Variants in KPNA3 observed in about 807,000 individuals in gnomAD.
The protein encoded by KPNA3 is karyopherin subunit alpha 3.
KPNA3 carries 13 observed loss-of-function variants against 73.8 expected under a neutral mutation model. The observed-to-expected ratio is 0.18, with a 90% CI of 0.11 to 0.28. KPNA3 has a LOEUF of 0.28. Among genes scored for constraint, KPNA3 ranks in the 10% least tolerant of loss-of-function variants. The probability of loss-of-function intolerance (pLI) is 1.00; values close to 1 mark genes in which losing one functional copy is unlikely to be tolerated. For synonymous variants in KPNA3, 186 were observed against 206.9 expected, an observed-to-expected ratio of 0.90 and a Z score of 0.87; for missense variants, 360 against 618.1, an observed-to-expected ratio of 0.58 and a Z score of 4.43.
chr13:49,706,325 T>C lies in KPNA3; in HGVS notation c.1080A>G (p.Gln360=). 6.2e-7 allele frequency: 1 copy of C among 1,614,174 alleles called. No individual in the cohort carries two copies. Among genetic ancestry groups the C allele is most frequent in the African/African-American group, 1.3e-5 (1 of 75,064 alleles). Residue 360 remains glutamine (Q), a synonymous_variant, in exon 13 of 17, where the codon CAA becomes CAG. Transcript: ENST00000261667. ...ATCCAGCATCTATTACAGCTTGAACTTGTTGCTGGTTGCCTGCTGTTATGT... is the reference window on the plus strand; with the variant it reads ...ATCCAGCATCTATTACAGCTTGAACCTGTTGCTGGTTGCCTGCTGTTATGT... ...LSNITAGNQQ[Q]VQAVIDAGLI...
At chr13:49,776,033 A>T (rs1211030809) in intron 1 of KPNA3, among the ~76,000 whole-genome samples, 1 of 152,202 alleles carries the variant, frequency 6.6e-6, no homozygotes, top group Non-Finnish European at 1.5e-5. Context: ...CACAAAATTT[A>T]GAAAACAAAA....
Position 49,732,996 on chromosome 13 carries a change from T to A in KPNA3, c.165A>T (p.Glu55Asp). The A allele has an allele frequency of 6.2e-7, 1 of 1,611,970 alleles. No homozygotes were observed. Among genetic ancestry groups the A allele is most frequent in the Non-Finnish European group, 8.5e-7 (1 of 1,178,416 alleles). The change falls in exon 3 of 17, where the codon GAA becomes GAT. Residue 55 changes from glutamate (E) to aspartate (D), a missense_variant. This residue lies in a region of KPNA3 where 287 missense variants were observed against 549.1 expected (regional missense o/e 0.52). Coordinates refer to ENST00000261667, the MANE Select transcript of KPNA3 (RefSeq NM_002267.4). ...CATCAACATCTGAATCTTCTAGACT[T>A]TCTTCTTGGGGAACATTTCTCTTTT... ...LLKKRNVPQE[E>D]SLEDSDVDAD...
At chr13:49,728,483 G>A (rs1462290429) in intron 6 of KPNA3, among the ~76,000 whole-genome samples, 1 of 152,120 alleles carries the variant, frequency 6.6e-6, no homozygotes, top group African/African-American at 2.4e-5. Context: ...GCCCAGATAA[G>A]CCGTAGACAA....
chr13:49,734,487 A>T (rs1279945878), intron 2 of KPNA3, among the ~76,000 whole-genome samples: 1 of 152,236 alleles, frequency 6.6e-6, no homozygotes, highest in Non-Finnish European at 1.5e-5. Flanking sequence ...AAGAAAAGAA[A>T]AACAAATAAA....
At chr13:49,783,563 C>T (rs1954957857) in intron 1 of KPNA3, among the ~76,000 whole-genome samples, 1 of 152,100 alleles carries the variant, frequency 6.6e-6, no homozygotes, top group African/African-American at 2.4e-5. Context: ...TACAAAGGGC[C>T]AGCTGTACAG....
Position 49,778,509 on chromosome 13 carries a change from C to T in KPNA3, c.69+13929G>A, listed in dbSNP as rs1329342616. Among the ~76,000 whole-genome samples the T allele has an allele frequency of 2.6e-5, 4 of 152,212 alleles. No individual in the cohort carries two copies. The East Asian group carries it at 7.7e-4, about 29-fold the overall frequency. On this transcript the variant is annotated intron_variant, in intron 1 of 16. Coordinates refer to ENST00000261667, the MANE Select transcript of KPNA3 (RefSeq NM_002267.4). Reference sequence around the variant, plus strand: ...TTGAACTCTTTAATTTGACTAAGGACTTTCTTTTAACAAGATATAAATTAC... The same window carrying T: ...TTGAACTCTTTAATTTGACTAAGGATTTTCTTTTAACAAGATATAAATTAC...
chr13:49,758,161 A>C (rs1278636649), intron 1 of KPNA3, among the ~76,000 whole-genome samples: 2 of 152,222 alleles, frequency 1.3e-5, no homozygotes, highest in East Asian at 3.8e-4. Flanking sequence ...ACTAGAGGCC[A>C]AAAGTATACT....
At chr13:49,788,459 C>T (rs1955002517) in intron 1 of KPNA3, among the ~76,000 whole-genome samples, 1 of 152,136 alleles carries the variant, frequency 6.6e-6, no homozygotes, top group South Asian at 2.1e-4. Flanking sequence ...GTGACTCATG[C>T]CCCTAATCCC....
Position 49,709,562 on chromosome 13 carries a change from T to A in KPNA3, c.1032+10A>T, listed in dbSNP as rs1954240945. The A allele has an allele frequency of 1.2e-6, 2 of 1,610,056 alleles. No homozygotes were observed. Among genetic ancestry groups the A allele is most frequent in the Non-Finnish European group, 1.7e-6 (2 of 1,177,222 alleles). On this transcript the variant is annotated intron_variant, in intron 12 of 16. Coordinates refer to ENST00000261667, the MANE Select transcript of KPNA3 (RefSeq NM_002267.4). Reference sequence around the variant, plus strand: ...AAGAAATAGCATAATGAGGACATTATATGCCTTACCTTATTTATCTTCTCT... The same window carrying A: ...AAGAAATAGCATAATGAGGACATTAAATGCCTTACCTTATTTATCTTCTCT...
chr13:49,745,266 T>C (rs1367244293), intron 2 of KPNA3, among the ~76,000 whole-genome samples: 2 of 152,194 alleles, frequency 1.3e-5, no homozygotes, highest in Admixed American at 1.3e-4. Flanking sequence ...AAATAATAAA[T>C]GCACAAGTCT....
At chr13:49,777,201 T>C (rs1157305325) in intron 1 of KPNA3, among the ~76,000 whole-genome samples, 2 of 152,230 alleles carry the variant, frequency 1.3e-5, no homozygotes, top group African/African-American at 4.8e-5. Context: ...CCTATTATTA[T>C]CATTTTGCAT....
intron 8 of KPNA3, 48 bp from the exon 9 acceptor site, chr13:49,722,172 G>T: frequency 7.8e-7 from 1 of 1,284,908 alleles, no homozygotes; most frequent in Non-Finnish European, 1.0e-6. Context: ...TTCAGGATGA[G>T]AAAGTCTGAA....
intron 12 of KPNA3, among the ~76,000 whole-genome samples, chr13:49,708,278 A>G (rs1594429206): frequency 6.6e-6 from 1 of 152,194 alleles, no homozygotes; most frequent in East Asian, 1.9e-4. Flanking sequence ...TACAGGCATG[A>G]GCCACCATGC....
chr13:49,726,457 T>C (rs1281727087), intron 6 of KPNA3, among the ~76,000 whole-genome samples: 1 of 152,092 alleles, frequency 6.6e-6, no homozygotes, highest in Non-Finnish European at 1.5e-5. Flanking sequence ...AAGGATTAGA[T>C]CAAGAGAGCT....
intron 15 of KPNA3, among the ~76,000 whole-genome samples, chr13:49,702,761 A>G (rs936938387): frequency 6.6e-6 from 1 of 152,254 alleles, no homozygotes; most frequent in African/African-American, 2.4e-5. Context: ...TGACAGAGGG[A>G]AGCTGTGGCA....
chr13:49,727,099 G>A (rs1230786421), intron 6 of KPNA3, among the ~76,000 whole-genome samples: 1 of 152,120 alleles, frequency 6.6e-6, no homozygotes, highest in Non-Finnish European at 1.5e-5. Flanking sequence ...AGGTTAGGGA[G>A]TTTGAAGAAA....
At chr13:49,781,462 G>A (rs908123545) in intron 1 of KPNA3, among the ~76,000 whole-genome samples, 10 of 150,552 alleles carry the variant, frequency 6.6e-5, no homozygotes, top group African/African-American at 2.5e-4. Context: ...ACTTTGTGAG[G>A]ATTATTTAAG....
chr13:49,745,643 C>T (rs1954610376), intron 2 of KPNA3, among the ~76,000 whole-genome samples: 1 of 152,034 alleles, frequency 6.6e-6, no homozygotes, highest in Admixed American at 6.6e-5. Context: ...CGGCATGAGC[C>T]ACCGCACCCA....
At chr13:49,704,313 C>T (rs1003571321) in intron 15 of KPNA3, among the ~76,000 whole-genome samples, 1 of 151,718 alleles carries the variant, frequency 6.6e-6, no homozygotes, top group African/African-American at 2.4e-5. Flanking sequence ...ATCCCAGCTA[C>T]TAGGGAGGCT....
Sources: gnomAD v4.1 joint callset for allele counts (sites outside exome capture counted in the v4.1 genomes callset) on GRCh38, gnomAD v4.1.1 for gene constraint, gnomAD v4.1.1 regional missense constraint, MANE v1.5 for transcripts, NCBI Gene and HGNC (gene_info 2026-07-23, HGNC 2026-07-21) for gene names.